TRIO: variants seen among roughly 807,000 people sequenced by gnomAD.
TRIO encodes the protein trio Rho guanine nucleotide exchange factor, also known as triple functional domain protein.
A neutral mutation model predicts 351.9 loss-of-function variants in TRIO; 58 were observed. The ratio of observed to expected loss-of-function variants is 0.16; its 90% confidence interval spans 0.13 to 0.21. TRIO has a LOEUF of 0.21. Ranked by LOEUF, TRIO falls within the 10% of genes least tolerant of loss-of-function variation. The pLI is 1.00. For synonymous variants in TRIO, 1,758 were observed against 1,595.7 expected (o/e 1.10, Z -2.42); for missense variants, 3,201 against 4,027.8 (o/e 0.79, Z 5.56).
At chr5:14,329,094 C>T (rs1740669835) in intron 9 of TRIO, among the ~76,000 whole-genome samples, 1 of 152,144 alleles carries the variant, frequency 6.6e-6, no homozygotes, top group African/African-American at 2.4e-5. Context: ...TGCTTTTTTC[C>T]CCCTATATCT....
chr5:14,422,118 T>C (rs1750216198), intron 34 of TRIO, among the ~76,000 whole-genome samples: 1 of 152,238 alleles, frequency 6.6e-6, no homozygotes, highest in Non-Finnish European at 1.5e-5. Context: ...TTGAAGGATA[T>C]GCAGCGAGCG....
At chr5:14,277,797 G>A (rs563219355) in intron 2 of TRIO, among the ~76,000 whole-genome samples, 18 of 152,294 alleles carry the variant, frequency 1.2e-4, no homozygotes, top group African/African-American at 4.3e-4. Flanking sequence ...TTGAGGTTTA[G>A]CGACCATGTT....
At chr5:14,305,888 T>C (rs1738323177) in intron 8 of TRIO, among the ~76,000 whole-genome samples, 1 of 152,234 alleles carries the variant, frequency 6.6e-6, no homozygotes, top group Non-Finnish European at 1.5e-5. Context: ...TTTTTCTATG[T>C]TTAGATACAC....
intron 1 of TRIO, among the ~76,000 whole-genome samples, chr5:14,152,695 C>T (rs545374866): frequency 1.3e-5 from 2 of 152,188 alleles, no homozygotes; most frequent in Non-Finnish European, 2.9e-5. Context: ...AGTCACTTCA[C>T]CTCCATCTAA....
At chr5:14,234,182 G>A (rs1793637015) in intron 1 of TRIO, among the ~76,000 whole-genome samples, 1 of 152,174 alleles carries the variant, frequency 6.6e-6, no homozygotes. Context: ...GTACAAAGAC[G>A]ATGTTGACTA....
intron 1 of TRIO, among the ~76,000 whole-genome samples, chr5:14,193,065 T>G (rs1790550838): frequency 6.6e-6 from 1 of 152,238 alleles, no homozygotes. Context: ...TGATAATTAC[T>G]GTAATTATGA....
At chr5:14,171,909 C>A (rs956625230) in intron 1 of TRIO, among the ~76,000 whole-genome samples, 2 of 152,194 alleles carry the variant, frequency 1.3e-5, no homozygotes, top group Non-Finnish European at 2.9e-5. Context: ...TATGTATACA[C>A]ACTCTTTTCC....
intron 1 of TRIO, among the ~76,000 whole-genome samples, chr5:14,156,967 A>G (rs1436050778): frequency 6.6e-6 from 1 of 152,254 alleles, no homozygotes; most frequent in Admixed American, 6.5e-5. Context: ...GTTTATAAAA[A>G]GGACACCTGT....
chr5:14,425,142 T>A (rs1052733872), intron 34 of TRIO, among the ~76,000 whole-genome samples: 1 of 152,250 alleles, frequency 6.6e-6, no homozygotes, highest in Non-Finnish European at 1.5e-5. Context: ...CACATTGTTA[T>A]GCAGCCGTCA....
In TRIO at chr5:14,387,740, T is replaced by C. The variant is rs1187152266; in HGVS notation, c.3774T>C (p.Ser1258=). 3.7e-6 allele frequency: 6 copies of C among 1,614,086 alleles called. No individual in the cohort carries two copies. The highest frequency in any genetic ancestry group is 5.1e-6 in the Non-Finnish European group (6 of 1,180,032). ...ISSDSNKSSK[S]LQLDIIPASI... The stretch of plus-strand genomic sequence containing the variant: ...GCTCTGTTATTCCACAGAGTAAAAG[T>C]CTCCAGCTAGATATCATTCCAGCCA... Residue 1258 remains serine, a synonymous_variant, in exon 23 of 57, where the codon AGT becomes AGC. Coordinates refer to ENST00000344204, the MANE Select transcript of TRIO (RefSeq NM_007118.4).
chr5:14,428,688 A>G (rs1329542437), intron 34 of TRIO, among the ~76,000 whole-genome samples: 1 of 152,222 alleles, frequency 6.6e-6, no homozygotes, highest in African/African-American at 2.4e-5. Flanking sequence ...TGTTTATTAA[A>G]ACAGGAAAAA....
At chr5:14,331,105 T>C (rs912244170) in intron 10 of TRIO, among the ~76,000 whole-genome samples, 3 of 152,270 alleles carry the variant, frequency 2.0e-5, no homozygotes, top group Non-Finnish European at 4.4e-5. Flanking sequence ...TAAAATACGA[T>C]GTTCTTGGAA....
At chr5:14,446,346 T>C (rs1038003173) in intron 34 of TRIO, among the ~76,000 whole-genome samples, 3 of 152,238 alleles carry the variant, frequency 2.0e-5, no homozygotes, top group African/African-American at 7.2e-5. Context: ...AAGCAGTTGC[T>C]CCAGCCCTCT....
intron 1 of TRIO, among the ~76,000 whole-genome samples, chr5:14,194,845 A>G (rs775772441): frequency 6.6e-6 from 1 of 152,234 alleles, no homozygotes. Flanking sequence ...AGATTTCTAT[A>G]TACCTTTTAC....
In TRIO at chr5:14,474,067, A is replaced by G; in HGVS notation, c.6053A>G (p.Asn2018Ser). The change falls in exon 40 of 57, where the codon AAC (asparagine) becomes AGC (serine). Residue 2018 changes from asparagine (N) to serine (S), a missense_variant. By Grantham distance (46) the Asn-to-Ser change is conservative. Coordinates refer to ENST00000344204, the MANE Select transcript of TRIO (RefSeq NM_007118.4). ...GGAAAAGACAAAATTGTGTTCGGCA[A>G]CATCCATCAGATTTACGACTGGCAC... The part of the protein sequence containing the change: ...MKGKDKIVFG[N>S]IHQIYDWHRD... The G allele has an allele frequency of 6.2e-7, 1 of 1,613,658 alleles. No homozygotes were observed. The highest frequency in any genetic ancestry group is 8.5e-7 in the Non-Finnish European group (1 of 1,179,578).
At chr5:14,185,093 A>G (rs1790024582) in intron 1 of TRIO, among the ~76,000 whole-genome samples, 1 of 152,116 alleles carries the variant, frequency 6.6e-6, no homozygotes, top group Non-Finnish European at 1.5e-5. Context: ...AGTTATTTTC[A>G]GTGATTTTCA....
intron 18 of TRIO, 128 bp downstream of exon 18, chr5:14,369,651 C>A: frequency 1.7e-6 from 2 of 1,201,122 alleles, no homozygotes; most frequent in Non-Finnish European, 1.1e-6. Flanking sequence ...TGTAACGGGG[C>A]AGTGTCGCAT....
chr5:14,254,189 C>A (rs148202952), intron 1 of TRIO, among the ~76,000 whole-genome samples: 6 of 151,802 alleles, frequency 4.0e-5, no homozygotes, highest in South Asian at 2.1e-4. Context: ...GTTCTCCCCC[C>A]CTCCCCCCGC....
chr5:14,504,258 G>A (rs1021897711), intron 54 of TRIO, 135 bp from the exon 55 acceptor site: 16 of 931,556 alleles, frequency 1.7e-5, no homozygotes, highest in East Asian at 5.2e-5. Context: ...CAGCCCCTCC[G>A]TGGAGTGGCC....
Sources: allele counts gnomAD v4.1 joint callset (sites outside exome capture counted in the v4.1 genomes callset), GRCh38; gene constraint gnomAD v4.1.1; transcripts MANE v1.5; gene names NCBI Gene and HGNC (gene_info 2026-07-23, HGNC 2026-07-21).